TUBGCP4: variants seen among roughly 807,000 people sequenced by gnomAD.
TUBGCP4 encodes the protein tubulin gamma complex component 4, also known as gamma-tubulin complex component 4.
TUBGCP4 carries 54 observed loss-of-function variants against 91.6 expected under a neutral mutation model. The observed-to-expected ratio is 0.59, with a 90% CI of 0.47 to 0.74. The LOEUF (loss-of-function observed/expected upper bound fraction) is 0.74, where lower values mean the gene tolerates loss of function less well. Ranked by LOEUF, TUBGCP4 falls within the 30% of genes least tolerant of loss-of-function variation. The probability of loss-of-function intolerance (pLI) is 0.00; values close to 1 mark genes in which losing one functional copy is unlikely to be tolerated. For missense variants in TUBGCP4, 593 were observed against 800.9 expected (o/e 0.74, Z 3.13); for synonymous variants, 297 against 302.8 (o/e 0.98, Z 0.20).
chr15:43,386,397 T>TTTTTTTC (rs2044371963), intron 9 of TUBGCP4, 67 bp downstream of exon 9: 1 of 159,036 alleles, frequency 6.3e-6, no homozygotes, highest in Non-Finnish European at 1.2e-5. Context: ...TTTTTTTTTT[T>TTTTTTTC]TTTCTTAGGC....
chr15:43,408,205 T>C lies in TUBGCP4; in HGVS notation c.*2991T>C, dbSNP rs879624664. 7.5e-6 allele frequency: 8 copies of C among 1,072,464 alleles called. No homozygotes were observed. The highest frequency in any genetic ancestry group is 3.2e-5 in the African/African-American group (2 of 63,060). 66.4% of individuals were successfully genotyped at this position (1,072,464 alleles called of 1,614,324 possible). On this transcript the variant is annotated 3_prime_UTR_variant, in exon 18 of 18. Coordinates refer to ENST00000564079, the MANE Select transcript of TUBGCP4 (RefSeq NM_014444.5). Reference sequence around the variant, plus strand: ...TCAAAAATAAATGCCCCATCAGACATAGTGTCTCAAGCCTGTAATCCCAGC... The same window carrying C: ...TCAAAAATAAATGCCCCATCAGACACAGTGTCTCAAGCCTGTAATCCCAGC...
intron 14 of TUBGCP4, among the ~76,000 whole-genome samples, chr15:43,401,275 A>C (rs2044673143): frequency 6.6e-6 from 1 of 151,704 alleles, no homozygotes; most frequent in African/African-American, 2.4e-5. Flanking sequence ...ACATAGTGAA[A>C]CCCCTTCTCT....
At position 43,409,462 on chromosome 15, in the gene TUBGCP4, T is replaced by C. The variant is rs1400921715; in HGVS notation, c.*4248T>C. 7.5e-6 allele frequency: 4 copies of C among 536,420 alleles called. No individual in the cohort carries two copies. The allele number at this position is 536,420 out of a possible 1,614,324, so 33.2% of individuals were successfully genotyped here. A position where few individuals can be genotyped will look rare whatever the true frequency, so the allele number is the denominator to read the frequency against. On this transcript the variant is annotated 3_prime_UTR_variant, in exon 18 of 18. Transcript: ENST00000564079. ...ATAGCCATTAACTAACCCAAGGTCC[T>C]ACCTTCTCTTCCCTATACACAACAA...
Position 43,407,099 on chromosome 15 carries a change from C to T in TUBGCP4, c.*1885C>T, listed in dbSNP as rs562196437. 9.2e-6 allele frequency: 3 copies of T among 324,946 alleles called. No homozygotes were observed. The East Asian group carries it at 1.8e-4, about 20-fold the overall frequency. The allele number at this position is 324,946 out of a possible 1,614,324, so 20.1% of individuals were successfully genotyped here. A position where few individuals can be genotyped will look rare whatever the true frequency, so the allele number is the denominator to read the frequency against. On this transcript the variant is annotated 3_prime_UTR_variant, in exon 18 of 18. Coordinates refer to ENST00000564079, the MANE Select transcript of TUBGCP4 (RefSeq NM_014444.5). ...AAGTTCACTCTTAACTTTTCAATTTCCTTGGCCAGCTGTCCTCCGTAAGTG... is the reference window on the plus strand; with the variant it reads ...AAGTTCACTCTTAACTTTTCAATTTTCTTGGCCAGCTGTCCTCCGTAAGTG...
rs374056073 is a variant in TUBGCP4, at chr15:43,376,034, T to G, written c.79-64T>G. The G allele has an allele frequency of 5.6e-6, 9 of 1,601,666 alleles. No individual in the cohort carries two copies. The South Asian group carries it at 1.0e-4, about 18-fold the overall frequency. On this transcript the variant is annotated intron_variant, in intron 1 of 17. Transcript: ENST00000564079. ...ACGATAAATGTGTAGTATGAAGCGT[T>G]TGAAGCACCTGAAAGTTGGGGCAGC...
rs200238154 is a variant in TUBGCP4, at chr15:43,386,308, G to A, written c.992G>A (p.Arg331His). The stretch of plus-strand genomic sequence containing the variant: ...GTGGACTTTGAACAGGTGGTGGATC[G>A]CATTCGCAGCACTGTGGCTGAGGTT... Reference protein sequence around the residue: ...SLVDFEQVVDRIRSTVAEHLW... With the variant: ...SLVDFEQVVDHIRSTVAEHLW... Residue 331 changes from arginine (R) to histidine (H), a missense_variant, in exon 9 of 18, where the codon CGC (arginine) becomes CAC (histidine). Physicochemically the swap from Arg to His is conservative, Grantham distance 29. Transcript: ENST00000564079. 3.9e-5 allele frequency: 60 copies of A among 1,529,746 alleles called. No individual in the cohort carries two copies. Among genetic ancestry groups the A allele is most frequent in the Non-Finnish European group, 4.4e-5 (50 of 1,136,326 alleles). The allele number at this position is 1,529,746 out of a possible 1,614,324, so 94.8% of individuals were successfully genotyped here. A position where few individuals can be genotyped will look rare whatever the true frequency, so the allele number is the denominator to read the frequency against.
intron 9 of TUBGCP4, 138 bp from the exon 10 acceptor site, chr15:43,394,969 A>G: frequency 1.2e-6 from 1 of 845,330 alleles, no homozygotes; most frequent in Non-Finnish European, 2.0e-6. Flanking sequence ...TAATACATTG[A>G]TTGTTTTGAG....
intron 2 of TUBGCP4, 58 bp from the exon 3 acceptor site, chr15:43,376,445 T>A (rs201764250): frequency 1.7e-5 from 28 of 1,613,636 alleles, no homozygotes; most frequent in Non-Finnish European, 2.3e-5. Flanking sequence ...CCTGATAATG[T>A]CTTTCTCAGG....
At chr15:43,374,864 A>G (rs2044180741) in intron 1 of TUBGCP4, among the ~76,000 whole-genome samples, 1 of 152,234 alleles carries the variant, frequency 6.6e-6, no homozygotes, top group Non-Finnish European at 1.5e-5. Flanking sequence ...GTGCTACAAC[A>G]TGGATGAGCT....
chr15:43,407,677 A>C lies in TUBGCP4; in HGVS notation c.*2463A>C. 9.0e-7 allele frequency: 1 copy of C among 1,115,122 alleles called. No homozygotes were observed. Among genetic ancestry groups the C allele is most frequent in the Non-Finnish European group, 1.3e-6 (1 of 787,986 alleles). The allele number at this position is 1,115,122 out of a possible 1,614,324, so 69.1% of individuals were successfully genotyped here. On this transcript the variant is annotated 3_prime_UTR_variant, in exon 18 of 18. Coordinates refer to ENST00000564079, the MANE Select transcript of TUBGCP4 (RefSeq NM_014444.5). ...ATACATCCCACTCTGCACAAACCAA[A>C]GCCCTATTATGTCAAACACACTGCT... is the stretch of plus-strand genomic sequence containing the variant.
At chr15:43,384,909 C>T (rs1245572333) in intron 7 of TUBGCP4, among the ~76,000 whole-genome samples, 1 of 152,072 alleles carries the variant, frequency 6.6e-6, no homozygotes. Context: ...AAGATACTAA[C>T]ATTGAATATG....
At chr15:43,371,476 G>C (rs1227081798) in intron 1 of TUBGCP4, 44 bp downstream of exon 1, 1 of 1,599,624 alleles carries the variant, frequency 6.3e-7, no homozygotes, top group African/African-American at 1.3e-5. Context: ...GCGCAGGAGG[G>C]GGGACCTGAG....
At chr15:43,383,574 C>T in intron 7 of TUBGCP4, 70 bp downstream of exon 7, 1 of 1,378,868 alleles carries the variant, frequency 7.3e-7, no homozygotes, top group Non-Finnish European at 9.8e-7. Context: ...AAATGATCTT[C>T]TGGTGATCCC....
At chr15:43,376,865 T>G (rs2044213019) in intron 3 of TUBGCP4, 149 bp from the exon 4 acceptor site, 1 of 876,748 alleles carries the variant, frequency 1.1e-6, no homozygotes, top group Non-Finnish European at 1.8e-6. Context: ...GGCCCGAAAA[T>G]CAGGATTAAT....
chr15:43,389,723 A>G (rs1040569381), intron 9 of TUBGCP4, among the ~76,000 whole-genome samples: 4 of 152,130 alleles, frequency 2.6e-5, no homozygotes, highest in African/African-American at 9.7e-5. Flanking sequence ...TAATAAAGAC[A>G]TACCCAAGAC....
chr15:43,377,611 C>CA lies in TUBGCP4; in HGVS notation c.385-219dup, dbSNP rs60932318. ...TGGGTGACAGAGTGAGACCCTGTCT[C>CA]AAAAAAAAAAAAAAAAAGAAAAAAG... On this transcript the variant is annotated intron_variant, in intron 4 of 17. Transcript: ENST00000564079. The CA allele has an allele frequency of 0.052, 13,437 of 258,548 alleles. 63 individuals carry two copies. The highest frequency in any genetic ancestry group is 0.071 in the Middle Eastern group (65 of 912). 16.0% of individuals were successfully genotyped at this position (258,548 alleles called of 1,614,324 possible). A position where few individuals can be genotyped will look rare whatever the true frequency, so the allele number is the denominator to read the frequency against.
chr15:43,409,080 T>G lies in TUBGCP4; in HGVS notation c.*3866T>G. 1 of 1,614,174 alleles carries G rather than the reference T, an allele frequency of 6.2e-7. No homozygotes were observed. Among genetic ancestry groups the G allele is most frequent in the Non-Finnish European group, 8.5e-7 (1 of 1,180,030 alleles). On this transcript the variant is annotated 3_prime_UTR_variant, in exon 18 of 18. Transcript: ENST00000564079. ...ATGCTGATCCGCAATTAGAAGACAC[T>G]GGTAAGCTGTGTTACACTGCAAGAA...
intron 8 of TUBGCP4, 38 bp downstream of exon 8, chr15:43,385,994 A>G: frequency 6.2e-7 from 1 of 1,608,568 alleles, no homozygotes; most frequent in Non-Finnish European, 8.5e-7. Flanking sequence ...CACCCTCAAA[A>G]TCTCTTCTTC....
intron 9 of TUBGCP4, among the ~76,000 whole-genome samples, chr15:43,386,770 T>C (rs2044382811): frequency 6.6e-6 from 1 of 151,310 alleles, no homozygotes; most frequent in Non-Finnish European, 1.5e-5. Flanking sequence ...TACTTGACTT[T>C]TGTTTTTATC....
Sources: allele counts gnomAD v4.1 joint callset (sites outside exome capture counted in the v4.1 genomes callset), GRCh38; gene constraint gnomAD v4.1.1; transcripts MANE v1.5; gene names NCBI Gene and HGNC (gene_info 2026-07-23, HGNC 2026-07-21).